RNF2: variants seen among roughly 807,000 people sequenced by gnomAD.
The protein encoded by RNF2 is ring finger protein 2, also known as E3 ubiquitin-protein ligase RING2.
Under a neutral mutation model 37.2 loss-of-function variants are expected in RNF2, and 6 were observed. That is an observed-to-expected ratio of 0.16 (90% confidence interval 0.09 to 0.32). RNF2 has a LOEUF of 0.32. Ranked by LOEUF, RNF2 falls within the 10% of genes least tolerant of loss-of-function variation. The probability of loss-of-function intolerance (pLI) is 1.00; values close to 1 mark genes in which losing one functional copy is unlikely to be tolerated. For missense variants in RNF2, 251 were observed against 404.0 expected (o/e 0.62, Z 3.25); for synonymous variants, 133 against 132.7 (o/e 1.00, Z -0.02).
At chr1:185,099,619 A>G (rs1652019421) in intron 5 of RNF2, among the ~76,000 whole-genome samples, 172 bp from the exon 6 acceptor site, 1 of 152,174 alleles carries the variant, frequency 6.6e-6, no homozygotes, top group African/African-American at 2.4e-5. Flanking sequence ...TTCTGTACCT[A>G]TCAATAAGAA....
At chr1:185,054,881 G>T (rs551750078) in intron 1 of RNF2, among the ~76,000 whole-genome samples, 92 of 152,060 alleles carry the variant, frequency 6.1e-4, no homozygotes, top group Middle Eastern at 3.4e-3. Flanking sequence ...TCTATTTTTG[G>T]TGGAGACAAG....
chr1:185,083,096 G>T (rs1297835774), intron 1 of RNF2, among the ~76,000 whole-genome samples: 2 of 152,066 alleles, frequency 1.3e-5, no homozygotes, highest in Non-Finnish European at 2.9e-5. Flanking sequence ...TCTGGCCATT[G>T]TTTTTTTCCC....
chr1:185,061,432 C>CA (rs996516453), intron 1 of RNF2, among the ~76,000 whole-genome samples: 49 of 150,596 alleles, frequency 3.3e-4, no homozygotes, highest in Admixed American at 7.3e-4. Flanking sequence ...ACCCACCAAA[C>CA]AAAAAAAAAC....
intron 1 of RNF2, among the ~76,000 whole-genome samples, chr1:185,081,115 A>G (rs190002807): frequency 3.3e-5 from 5 of 152,354 alleles, no homozygotes; most frequent in Admixed American, 2.6e-4. Context: ...TGAATTTTAA[A>G]TAATCAAAAC....
At chr1:185,078,437 C>G (rs545429518) in intron 1 of RNF2, among the ~76,000 whole-genome samples, 1 of 152,282 alleles carries the variant, frequency 6.6e-6, no homozygotes, top group East Asian at 1.9e-4. Flanking sequence ...CTTTCCTTCT[C>G]TAATATGTCT....
chr1:185,100,057 A>G (rs1652033442), intron 6 of RNF2, 95 bp downstream of exon 6: 1 of 1,314,404 alleles, frequency 7.6e-7, no homozygotes, highest in Non-Finnish European at 1.1e-6. Flanking sequence ...AAATAATGTA[A>G]AAAACCGTAA....
chr1:185,062,552 T>A (rs769092224), intron 1 of RNF2, among the ~76,000 whole-genome samples: 1 of 152,004 alleles, frequency 6.6e-6, no homozygotes, highest in Non-Finnish European at 1.5e-5. Flanking sequence ...AAAAAAAAAT[T>A]GCAAGAAAGT....
intron 1 of RNF2, among the ~76,000 whole-genome samples, chr1:185,083,939 T>TAA (rs750661158): frequency 1.1e-3 from 134 of 126,106 alleles, no homozygotes; most frequent in African/African-American, 3.4e-3. Flanking sequence ...GTCTTTTCCT[T>TAA]AAAAAAAAAA....
chr1:185,076,141 G>A (rs940157305), intron 1 of RNF2, among the ~76,000 whole-genome samples: 8 of 151,478 alleles, frequency 5.3e-5, no homozygotes, highest in Non-Finnish European at 1.2e-4. Context: ...TTTGCTCATG[G>A]TGTCTCTAGT....
chr1:185,071,303 A>G (rs1198105564), intron 1 of RNF2, among the ~76,000 whole-genome samples: 1 of 152,152 alleles, frequency 6.6e-6, no homozygotes, highest in East Asian at 1.9e-4. Flanking sequence ...GCTTCAACAG[A>G]ACTCAGTTTC....
chr1:185,077,688 C>T (rs1444313118), intron 1 of RNF2, among the ~76,000 whole-genome samples: 2 of 128,534 alleles, frequency 1.6e-5, no homozygotes, highest in Non-Finnish European at 3.2e-5. Flanking sequence ...CTAAATTGTA[C>T]TTTCATGAGC....
At chr1:185,085,654 T>A (rs1228316059) in intron 1 of RNF2, among the ~76,000 whole-genome samples, 1 of 151,734 alleles carries the variant, frequency 6.6e-6, no homozygotes, top group Non-Finnish European at 1.5e-5. Context: ...CTCTCCTGTT[T>A]AAAACTTTTT....
At position 185,082,424 on chromosome 1, in the gene RNF2, C is replaced by G. The variant is rs1326310258; in HGVS notation, c.-2-5128C>G. 2.8e-5 allele frequency among the ~76,000 whole-genome samples: 4 copies of G among 145,186 alleles called. No homozygotes were observed. In the Admixed American group the frequency reaches 2.9e-4, roughly 10 times the overall value. On this transcript the variant is annotated intron_variant, in intron 1 of 6. Transcript: ENST00000367510. ...GGAGTGCAGTGGCACGATCTTGGCT[C>G]ACTGCAACCTCTGCCTCCCAGGTTC...
intron 2 of RNF2, among the ~76,000 whole-genome samples, chr1:185,091,213 A>G (rs949869505): frequency 6.6e-6 from 1 of 152,204 alleles, no homozygotes; most frequent in Non-Finnish European, 1.5e-5. Context: ...TAAGAAGACA[A>G]TGTTAAATAA....
chr1:185,083,795 G>A (rs1651499313), intron 1 of RNF2, among the ~76,000 whole-genome samples: 2 of 151,372 alleles, frequency 1.3e-5, no homozygotes, highest in Admixed American at 6.6e-5. Flanking sequence ...TTTGTAGAGA[G>A]GGGATTTTGC....
At chr1:185,054,222 T>C (rs1650360636) in intron 1 of RNF2, among the ~76,000 whole-genome samples, 1 of 152,236 alleles carries the variant, frequency 6.6e-6, no homozygotes, top group Non-Finnish European at 1.5e-5. Flanking sequence ...CAATATGCCT[T>C]GGACTAAACT....
intron 1 of RNF2, among the ~76,000 whole-genome samples, chr1:185,073,359 G>C (rs891476388): frequency 3.9e-5 from 6 of 152,022 alleles, no homozygotes; most frequent in African/African-American, 1.5e-4. Context: ...TCAAAACTTA[G>C]GAGCCATTTG....
intron 4 of RNF2, among the ~76,000 whole-genome samples, chr1:185,096,218 A>G (rs1651905627): frequency 6.6e-6 from 1 of 152,128 alleles, no homozygotes; most frequent in Non-Finnish European, 1.5e-5. Flanking sequence ...TTGTCCCATT[A>G]TTTTAGCCCG....
At chr1:185,068,008 CTT>C (rs34216534) in intron 1 of RNF2, among the ~76,000 whole-genome samples, 141 of 142,232 alleles carry the variant, frequency 9.9e-4, no homozygotes, top group Admixed American at 1.1e-3. Flanking sequence ...AGCGCCCGGC[CTT>C]TTTTTTTTTT....
Sources: gnomAD v4.1 joint callset for allele counts (sites outside exome capture counted in the v4.1 genomes callset) on GRCh38, gnomAD v4.1.1 for gene constraint, MANE v1.5 for transcripts, NCBI Gene and HGNC (gene_info 2026-07-23, HGNC 2026-07-21) for gene names.